The following TLN2 variants were observed in gnomAD, a reference collection of about 807,000 sequenced individuals.
The protein encoded by TLN2 is talin 2.
In TLN2, 118 loss-of-function variants were observed where a neutral mutation model predicts 294.7. That is an observed-to-expected ratio of 0.40 (90% CI 0.34 to 0.47). TLN2 has a LOEUF of 0.47. Among genes scored for constraint, TLN2 ranks in the 20% least tolerant of loss-of-function variants. The pLI is 0.84. For synonymous variants in TLN2, 1,431 were observed against 1,304.5 expected, an observed-to-expected ratio of 1.10 and a Z score of -2.09; for missense variants, 3,083 against 3,282.2, an observed-to-expected ratio of 0.94 and a Z score of 1.48.
chr15:62,622,603 T>G (rs948267826), intron 3 of TLN2, among the ~76,000 whole-genome samples: 14 of 152,232 alleles, frequency 9.2e-5, no homozygotes, highest in Non-Finnish European at 1.8e-4. Context: ...TTTTTTTACA[T>G]GTATTTACTG....
chr15:62,485,421 G>C (rs963728238), intron 1 of TLN2, among the ~76,000 whole-genome samples: 1 of 152,146 alleles, frequency 6.6e-6, no homozygotes, highest in Non-Finnish European at 1.5e-5. Context: ...GATGCCTGGC[G>C]GTGTGGTCTC....
chr15:62,630,744 C>T (rs780635526), intron 3 of TLN2, among the ~76,000 whole-genome samples: 21 of 151,492 alleles, frequency 1.4e-4, no homozygotes, highest in Non-Finnish European at 2.8e-4. Flanking sequence ...ATAACTAAAT[C>T]AATAAAGAAG....
In TLN2 at chr15:62,697,714, A is replaced by C; in HGVS notation, c.1319A>C (p.Asn440Thr). 1 of 1,602,662 alleles carries C rather than the reference A, an allele frequency of 6.2e-7. No homozygotes were observed. Among genetic ancestry groups the C allele is most frequent in the Non-Finnish European group, 8.5e-7 (1 of 1,171,540 alleles). Residue 440 changes from asparagine (N) to threonine (T), a missense_variant, in exon 15 of 59, where the codon AAC becomes ACC. Transcript: ENST00000636159. ...TCCACCATCTTGCAGCAGCAGTTCA[A>C]CCGGACCGGGAAGGCAGAGCACGGC... Reference protein sequence around the residue: ...KKSTILQQQFNRTGKAEHGSV... With the variant: ...KKSTILQQQFTRTGKAEHGSV...
intron 1 of TLN2, among the ~76,000 whole-genome samples, chr15:62,408,809 TTTC>T (rs576971780): frequency 2.6e-5 from 4 of 152,106 alleles, no homozygotes; most frequent in East Asian, 3.9e-4. Context: ...GTTGTTTTCT[TTTC>T]TTCTTCTTCT....
intron 3 of TLN2, among the ~76,000 whole-genome samples, chr15:62,619,179 G>A (rs1347515903): frequency 6.6e-6 from 1 of 152,156 alleles, no homozygotes; most frequent in African/African-American, 2.4e-5. Context: ...TCTTGGATTG[G>A]AGGTGAAAGG....
chr15:62,400,724 C>T (rs1211149757), intron 1 of TLN2, among the ~76,000 whole-genome samples: 1 of 151,086 alleles, frequency 6.6e-6, no homozygotes, highest in Admixed American at 6.6e-5. Flanking sequence ...TCTGATCATT[C>T]ATGCATTTTT....
At chr15:62,512,563 G>A (rs1031047226) in intron 1 of TLN2, among the ~76,000 whole-genome samples, 4 of 152,162 alleles carry the variant, frequency 2.6e-5, no homozygotes, top group Admixed American at 2.6e-4. Flanking sequence ...GATGGTAATT[G>A]CTGAGAGACA....
At chr15:62,840,364 C>T in intron 58 of TLN2, 118 bp from the exon 59 acceptor site, 9 of 1,420,112 alleles carry the variant, frequency 6.3e-6, no homozygotes, top group South Asian at 2.9e-5. Flanking sequence ...AAAGCTGTTC[C>T]GGATGTGCTG....
chr15:62,634,273 TC>T (rs2050181775), intron 3 of TLN2, among the ~76,000 whole-genome samples: 1 of 152,214 alleles, frequency 6.6e-6, no homozygotes, highest in African/African-American at 2.4e-5. Flanking sequence ...GAGGCCCCTT[TC>T]CAATTCAGGG....
chr15:62,748,647 A>G (rs1392552152), intron 33 of TLN2, among the ~76,000 whole-genome samples: 2 of 152,204 alleles, frequency 1.3e-5, no homozygotes, highest in Non-Finnish European at 2.9e-5. Context: ...GAGAAACTAG[A>G]TTTAGTGGGA....
intron 48 of TLN2, 41 bp downstream of exon 48, chr15:62,797,443 C>G (rs368322327): frequency 1.8e-5 from 28 of 1,539,550 alleles, no homozygotes; most frequent in Non-Finnish European, 2.4e-5. Flanking sequence ...CCGGTCTTCC[C>G]GTGAACGCTG....
intron 1 of TLN2, among the ~76,000 whole-genome samples, chr15:62,494,610 C>G (rs544070054): frequency 1.3e-5 from 2 of 152,098 alleles, no homozygotes; most frequent in African/African-American, 2.4e-5. Context: ...TTTAACTCTT[C>G]CCTCCCCCGT....
intron 7 of TLN2, among the ~76,000 whole-genome samples, chr15:62,655,581 T>G: frequency 2.6e-4 from 3 of 11,724 alleles, no homozygotes; most frequent in East Asian, 0.12. Context: ...ATACATTCAT[T>G]GTAGCACATG....
chr15:62,698,047 C>T (rs993961459), intron 15 of TLN2, among the ~76,000 whole-genome samples, 179 bp downstream of exon 15: 8 of 152,166 alleles, frequency 5.3e-5, no homozygotes, highest in Non-Finnish European at 7.3e-5. Flanking sequence ...TGTTTAGTAT[C>T]GGAGGTGTCC....
chr15:62,727,286 C>A, intron 28 of TLN2, 97 bp downstream of exon 28: 1 of 1,082,982 alleles, frequency 9.2e-7, no homozygotes, highest in Non-Finnish European at 1.3e-6. Context: ...ATACACGTGA[C>A]ATTTTTCTCC....
chr15:62,543,591 C>T (rs964651653), intron 1 of TLN2, among the ~76,000 whole-genome samples: 2 of 152,014 alleles, frequency 1.3e-5, no homozygotes, highest in African/African-American at 4.8e-5. Context: ...CTCGTCTCTA[C>T]TAAAAATACA....
chr15:62,592,680 A>G (rs773146458), intron 2 of TLN2, among the ~76,000 whole-genome samples: 8 of 152,256 alleles, frequency 5.3e-5, no homozygotes, highest in South Asian at 2.1e-4. Flanking sequence ...TGAATGAACA[A>G]TGTAACCAAT....
chr15:62,625,183 C>G (rs944430239), intron 3 of TLN2, among the ~76,000 whole-genome samples: 2 of 152,088 alleles, frequency 1.3e-5, no homozygotes, highest in African/African-American at 4.8e-5. Flanking sequence ...GGGCTTGGTT[C>G]TTCACTACTG....
chr15:62,657,086 T>C (rs2053290822), intron 8 of TLN2, among the ~76,000 whole-genome samples: 1 of 146,752 alleles, frequency 6.8e-6, no homozygotes, highest in Non-Finnish European at 1.5e-5. Context: ...AGGCTTAGAG[T>C]GATAGCTTGG....
Sources: gnomAD v4.1 joint callset for allele counts (sites outside exome capture counted in the v4.1 genomes callset) on GRCh38, gnomAD v4.1.1 for gene constraint, MANE v1.5 for transcripts, NCBI Gene and HGNC (gene_info 2026-07-23, HGNC 2026-07-21) for gene names.